The following TANC2 variants were observed in gnomAD, a reference collection of about 807,000 sequenced individuals.
TANC2 encodes tetratricopeptide repeat, ankyrin repeat and coiled-coil containing 2.
A neutral mutation model predicts 210.5 loss-of-function variants in TANC2; 26 were observed. The ratio of observed to expected loss-of-function variants is 0.12; its 90% CI spans 0.09 to 0.17. The LOEUF (loss-of-function observed/expected upper bound fraction) is 0.17. Ranked by LOEUF, TANC2 falls within the 10% of genes least tolerant of loss-of-function variation. The probability of loss-of-function intolerance (pLI) is 1.00; values close to 1 mark genes in which losing one functional copy is unlikely to be tolerated. For missense variants in TANC2, 2,129 were observed against 2,608.9 expected (o/e 0.82, Z 4.01); for synonymous variants, 931 against 967.1 (o/e 0.96, Z 0.69).
chr17:63,154,583 A>G (rs1468278600), intron 5 of TANC2: 2 of 152,108 alleles, frequency 1.3e-5, no homozygotes, highest in African/African-American at 4.8e-5. Flanking sequence ...CTGTTTCTTC[A>G]TCTGTAAAAA....
chr17:63,058,428 AG>A (rs1314947937), intron 2 of TANC2, among the ~76,000 whole-genome samples: 1 of 152,128 alleles, frequency 6.6e-6, no homozygotes, highest in African/African-American at 2.4e-5. Flanking sequence ...TTGTTTAATT[AG>A]ATCTCATTTA....
At chr17:63,025,980 C>G (rs2034539027) in intron 2 of TANC2, among the ~76,000 whole-genome samples, 1 of 151,790 alleles carries the variant, frequency 6.6e-6, no homozygotes, top group Non-Finnish European at 1.5e-5. Flanking sequence ...TTGTTCATTC[C>G]TTTAAGCAAC....
rs145646228 is a variant in TANC2, at chr17:63,271,566, C to T, written c.1159+3693C>T. Among the ~76,000 whole-genome samples, 1,093 of 151,794 alleles carry T rather than the reference C, an allele frequency of 7.2e-3. 16 individuals carry two copies. Among genetic ancestry groups the T allele is most frequent in the African/African-American group, 0.025 (1,052 of 41,374 alleles). On this transcript the variant is annotated intron_variant, in intron 9 of 27. Transcript: ENST00000689528. ...CTACCCGTCATCTAGGTTTTAAGCC[C>T]CGCATGGATTAGGTATTTATCCTAA...
chr17:63,239,289 A>G (rs553502021), intron 8 of TANC2, among the ~76,000 whole-genome samples: 87 of 152,314 alleles, frequency 5.7e-4, no homozygotes, highest in African/African-American at 2.0e-3. Flanking sequence ...TAATAATTCA[A>G]ACCTGGGACT....
At chr17:62,982,681 T>G (rs1483034206) in intron 1 of TANC2, among the ~76,000 whole-genome samples, 1 of 152,216 alleles carries the variant, frequency 6.6e-6, no homozygotes, top group Non-Finnish European at 1.5e-5. Context: ...CTCTAATGCG[T>G]TGTTGCTACC....
At chr17:63,200,079 G>T (rs2041475336) in intron 6 of TANC2, among the ~76,000 whole-genome samples, 1 of 151,860 alleles carries the variant, frequency 6.6e-6, no homozygotes, top group African/African-American at 2.4e-5. Context: ...TTATTGGCTG[G>T]GTCCAGTGGC....
chr17:63,252,483 T>C (rs1428220214), intron 8 of TANC2, among the ~76,000 whole-genome samples: 1 of 152,152 alleles, frequency 6.6e-6, no homozygotes, highest in African/African-American at 2.4e-5. Context: ...CTAGATCTTA[T>C]TCATTCTGTC....
intron 2 of TANC2, among the ~76,000 whole-genome samples, chr17:63,019,025 A>G (rs1426497672): frequency 1.3e-5 from 2 of 152,180 alleles, no homozygotes; most frequent in African/African-American, 4.8e-5. Context: ...AGGGTTTTGT[A>G]TAAACATAAT....
At chr17:63,005,515 A>G (rs942333840) in intron 1 of TANC2, among the ~76,000 whole-genome samples, 2 of 150,910 alleles carry the variant, frequency 1.3e-5, no homozygotes, top group African/African-American at 4.9e-5. Flanking sequence ...TGAGACTGTT[A>G]TCTCTTTAGA....
intron 1 of TANC2, among the ~76,000 whole-genome samples, chr17:63,004,267 G>C (rs2033512895): frequency 6.6e-6 from 1 of 152,210 alleles, no homozygotes; most frequent in South Asian, 2.1e-4. Context: ...CAGATTGCCT[G>C]ACACACTGGT....
At chr17:63,107,090 G>A (rs2037855545) in intron 4 of TANC2, among the ~76,000 whole-genome samples, 2 of 151,630 alleles carry the variant, frequency 1.3e-5, no homozygotes, top group Admixed American at 6.6e-5. Flanking sequence ...TGTCAGGTTA[G>A]ATGATTTGCA....
intron 1 of TANC2, among the ~76,000 whole-genome samples, chr17:62,983,843 T>G (rs2032429225): frequency 6.6e-6 from 1 of 152,178 alleles, no homozygotes; most frequent in African/African-American, 2.4e-5. Context: ...TATTATCTTT[T>G]TGATGTGTTA....
chr17:63,342,659 C>A (rs1598897548), intron 12 of TANC2, among the ~76,000 whole-genome samples: 1 of 148,078 alleles, frequency 6.8e-6, no homozygotes, highest in East Asian at 1.9e-4. Flanking sequence ...ACCTGTAGTC[C>A]CAGCTACTCG....
chr17:63,068,134 C>T (rs895845718), intron 2 of TANC2, among the ~76,000 whole-genome samples: 1 of 151,986 alleles, frequency 6.6e-6, no homozygotes, highest in Non-Finnish European at 1.5e-5. Flanking sequence ...CATCAGAAAA[C>T]GTGCAGATCA....
At chr17:63,052,976 A>C (rs542172556) in intron 2 of TANC2, among the ~76,000 whole-genome samples, 92 of 152,352 alleles carry the variant, frequency 6.0e-4, no homozygotes, top group Middle Eastern at 3.4e-3. Context: ...GTGCAAAAAT[A>C]GGTGGCAGGC....
intron 3 of TANC2, among the ~76,000 whole-genome samples, chr17:63,091,091 T>C (rs1372034002): frequency 6.6e-6 from 1 of 152,046 alleles, no homozygotes; most frequent in East Asian, 1.9e-4. Flanking sequence ...TTTAAGTTCT[T>C]TGTAGATTCT....
intron 5 of TANC2, among the ~76,000 whole-genome samples, chr17:63,191,639 T>C (rs1471991023): frequency 6.6e-6 from 1 of 151,818 alleles, no homozygotes; most frequent in Admixed American, 6.6e-5. Context: ...ATTTTTGTAT[T>C]TTTTGCAGAG....
At chr17:63,166,101 C>G (rs2040201876) in intron 5 of TANC2, among the ~76,000 whole-genome samples, 1 of 152,170 alleles carries the variant, frequency 6.6e-6, no homozygotes, top group Non-Finnish European at 1.5e-5. Flanking sequence ...AGTTGCTAAA[C>G]AGTGAATACT....
chr17:63,307,605 C>A (rs1445262795), intron 9 of TANC2, among the ~76,000 whole-genome samples: 1 of 152,138 alleles, frequency 6.6e-6, no homozygotes, highest in Admixed American at 6.5e-5. Context: ...AGTTTCAGGG[C>A]TTGTATGAGT....
Sources: allele counts gnomAD v4.1 joint callset (sites outside exome capture counted in the v4.1 genomes callset), GRCh38; gene constraint gnomAD v4.1.1; transcripts MANE v1.5; gene names NCBI Gene and HGNC (gene_info 2026-07-23, HGNC 2026-07-21).